The following MCM9 variants were observed in gnomAD, a reference collection of about 807,000 sequenced individuals.
The protein encoded by MCM9 is minichromosome maintenance 9 homologous recombination repair factor.
In MCM9, 55 loss-of-function variants were observed where a neutral mutation model predicts 72.8. The observed-to-expected ratio is 0.76, with a 90% CI of 0.61 to 0.95. MCM9 has a LOEUF of 0.95. Ranked by LOEUF, MCM9 falls within the 40% of genes least tolerant of loss-of-function variation. MCM9 has a pLI of 0.00. For missense variants in MCM9, 1,279 were observed against 1,377.0 expected, an observed-to-expected ratio of 0.93 and a Z score of 1.13; for synonymous variants, 480 against 503.4, an observed-to-expected ratio of 0.95 and a Z score of 0.62.
intron 9 of MCM9, among the ~76,000 whole-genome samples, chr6:118,849,104 G>C (rs1776068667): frequency 6.6e-6 from 1 of 151,850 alleles, no homozygotes; most frequent in Non-Finnish European, 1.5e-5. Flanking sequence ...GCATACAAAA[G>C]AACAGATTGA....
chr6:118,859,743 G>A (rs938043360), intron 8 of MCM9, among the ~76,000 whole-genome samples: 1 of 152,124 alleles, frequency 6.6e-6, no homozygotes, highest in Non-Finnish European at 1.5e-5. Context: ...GGCAGAGAGA[G>A]GGAAAAGGAA....
intron 9 of MCM9, among the ~76,000 whole-genome samples, chr6:118,847,307 T>C (rs930368489): frequency 3.3e-5 from 5 of 149,844 alleles, no homozygotes; most frequent in Non-Finnish European, 7.4e-5. Context: ...GCAAAGGACA[T>C]GGACAAGGGT....
intron 1 of MCM9, among the ~76,000 whole-genome samples, chr6:118,933,315 C>T (rs1161969888): frequency 6.6e-6 from 1 of 151,766 alleles, no homozygotes; most frequent in African/African-American, 2.4e-5. Context: ...CTGGCTAACA[C>T]GGTGAAATCC....
Position 118,829,139 on chromosome 6 carries a change from G to C in MCM9, c.1437C>G (p.Leu479=). 1 of 1,550,618 alleles carries C rather than the reference G, an allele frequency of 6.4e-7. No individual in the cohort carries two copies. The highest frequency in any genetic ancestry group is 1.2e-5 in the South Asian group (1 of 84,066). ...VSVNIALGSP[L]LSRFDLILVL... ...CCAGGATCAGGTCAAATCGACTTAAGAGTGGGCTGCCGAGGGCAATGTTCA... is the reference window on the plus strand; with the variant it reads ...CCAGGATCAGGTCAAATCGACTTAACAGTGGGCTGCCGAGGGCAATGTTCA... The change falls in exon 10 of 14, where the codon CTC becomes CTG. Residue 479 remains leucine (L), a synonymous_variant. Coordinates refer to ENST00000619706, the MANE Select transcript of MCM9 (RefSeq NM_017696.3).
chr6:118,831,672 C>T (rs1774574256), intron 9 of MCM9, among the ~76,000 whole-genome samples: 1 of 152,090 alleles, frequency 6.6e-6, no homozygotes, highest in African/African-American at 2.4e-5. Context: ...TACATACATA[C>T]AATCTAATCC....
intron 12 of MCM9, among the ~76,000 whole-genome samples, chr6:118,826,513 T>C (rs1306172034): frequency 6.6e-6 from 1 of 152,172 alleles, no homozygotes; most frequent in Non-Finnish European, 1.5e-5. Flanking sequence ...TGGTGGGCTA[T>C]GAACATCTCT....
chr6:118,828,055 T>C lies in MCM9; in HGVS notation c.1604A>G (p.Gln535Arg). 6.4e-7 allele frequency: 1 copy of C among 1,550,780 alleles called. No homozygotes were observed. Among genetic ancestry groups the C allele is most frequent in the Non-Finnish European group, 8.7e-7 (1 of 1,147,030 alleles). The stretch of plus-strand genomic sequence containing the variant: ...ATTGCCCACATCAGACAGTGTGGGC[T>C]GCAGATTCCTTATGAGGCAGAAATA... Reference protein sequence around the residue: ...KTYFCLIRNLQPTLSDVGNQV... With the variant: ...KTYFCLIRNLRPTLSDVGNQV... The change falls in exon 11 of 14, where the codon CAG becomes CGG. Residue 535 changes from glutamine (Q) to arginine (R), a missense_variant. Transcript: ENST00000619706.
chr6:118,913,176 G>T, intron 7 of MCM9, 119 bp downstream of exon 7: 3 of 1,186,046 alleles, frequency 2.5e-6, no homozygotes, highest in Non-Finnish European at 2.4e-6. Flanking sequence ...ACAACTGTCA[G>T]TTTTATAAGA....
chr6:118,872,617 C>T (rs1777676168), intron 8 of MCM9, among the ~76,000 whole-genome samples: 1 of 151,574 alleles, frequency 6.6e-6, no homozygotes, highest in Admixed American at 6.6e-5. Flanking sequence ...CATCAAGATG[C>T]AATCTACCTC....
Position 118,931,822 on chromosome 6 carries a change from A to T in MCM9, c.-15-84T>A, listed in dbSNP as rs1385406870. ...TAACAAAAACGATTGGTTATAAATC[A>T]CACTGGCTTTGGGTCATACTATAAT... is the stretch of plus-strand genomic sequence containing the variant. On this transcript the variant is annotated intron_variant, in intron 2 of 13. Coordinates refer to ENST00000619706, the MANE Select transcript of MCM9 (RefSeq NM_017696.3). 10 of 1,055,368 alleles carry T rather than the reference A, an allele frequency of 9.5e-6. No individual in the cohort carries two copies. In the South Asian group the frequency reaches 1.7e-4, roughly 18 times the overall value. The allele number at this position is 1,055,368 out of a possible 1,614,324, so 65.4% of individuals were successfully genotyped here. A position where few individuals can be genotyped will look rare whatever the true frequency, so the allele number is the denominator to read the frequency against.
intron 5 of MCM9, chr6:118,919,978 A>G (rs1170836988): frequency 6.6e-6 from 1 of 152,236 alleles, no homozygotes; most frequent in Non-Finnish European, 1.5e-5. Flanking sequence ...CTAATGATAC[A>G]TGAAAAAATA....
At chr6:118,930,267 T>C (rs62422264) in intron 3 of MCM9, among the ~76,000 whole-genome samples, 120 of 152,132 alleles carry the variant, frequency 7.9e-4, no homozygotes, top group East Asian at 6.8e-3. Flanking sequence ...CCCGCCACCA[T>C]GCCCGGCTAA....
chr6:118,893,494 CAGGTGCAAGCCCAA>C (rs1241560612), intron 8 of MCM9, among the ~76,000 whole-genome samples: 7 of 152,246 alleles, frequency 4.6e-5, no homozygotes, highest in Admixed American at 3.3e-4. Flanking sequence ...AGAAGACGCC[CAGGTGCAAGCCCAA>C]AGGTTACCTA....
rs569817219 is a variant in MCM9, at chr6:118,879,151, A to G, written c.1151-22606T>C. 1.0e-3 allele frequency among the ~76,000 whole-genome samples: 154 copies of G among 152,272 alleles called. 1 individual carries two copies. The highest frequency in any genetic ancestry group is 3.4e-3 in the African/African-American group (141 of 41,566). On this transcript the variant is annotated intron_variant, in intron 8 of 13. Coordinates refer to ENST00000619706, the MANE Select transcript of MCM9 (RefSeq NM_017696.3). ...ATAAGACATGTAGAAAACAAAGAGGAGCATAGTATACATGAATCCTGCCTT... is the reference window on the plus strand; with the variant it reads ...ATAAGACATGTAGAAAACAAAGAGGGGCATAGTATACATGAATCCTGCCTT...
intron 8 of MCM9, chr6:118,911,174 T>C (rs1049810384): frequency 2.0e-6 from 2 of 985,332 alleles, no homozygotes; most frequent in African/African-American, 3.5e-5. Context: ...AGCTCCACAT[T>C]GCAATGATGG....
Position 118,914,889 on chromosome 6 carries a change from A to C in MCM9, c.905-1469T>G, listed in dbSNP as rs74533124. ...ATTACCAACTGTCTGACCTTAGGCA[A>C]GTTTCTTAACCTCTGCCTCCATTTC... On this transcript the variant is annotated intron_variant, in intron 6 of 13. Transcript: ENST00000619706. Among the ~76,000 whole-genome samples the C allele has an allele frequency of 7.2e-5, 11 of 152,314 alleles. No individual in the cohort carries two copies. The East Asian group carries it at 2.1e-3, about 29-fold the overall frequency.
In MCM9 at chr6:118,853,316, T is replaced by C. The variant is rs144865861; in HGVS notation, c.1325+3055A>G. On this transcript the variant is annotated intron_variant, in intron 9 of 13. Coordinates refer to ENST00000619706, the MANE Select transcript of MCM9 (RefSeq NM_017696.3). ...GTCACAATGTTTTGATAATTACAGC[T>C]TTATAGCAAATCTTAAAACAACGTA... Among the ~76,000 whole-genome samples, 1,502 of 152,362 alleles carry C rather than the reference T, an allele frequency of 9.9e-3. 25 individuals carry two copies. The highest frequency in any genetic ancestry group is 0.034 in the African/African-American group (1,413 of 41,592).
chr6:118,928,275 GTGGCA>G (rs1312258594), intron 3 of MCM9, among the ~76,000 whole-genome samples: 1 of 152,086 alleles, frequency 6.6e-6, no homozygotes, highest in East Asian at 1.9e-4. Flanking sequence ...GCCGGGTGTG[GTGGCA>G]CACGCCTGTA....
intron 8 of MCM9, chr6:118,905,514 T>C (rs1780121554): frequency 6.4e-6 from 4 of 622,552 alleles, no homozygotes; most frequent in Non-Finnish European, 1.1e-5. Context: ...GAAATGAGCA[T>C]TTTCCTTCCC....
Sources: gnomAD v4.1 joint callset for allele counts (sites outside exome capture counted in the v4.1 genomes callset) on GRCh38, gnomAD v4.1.1 for gene constraint, MANE v1.5 for transcripts, NCBI Gene and HGNC (gene_info 2026-07-23, HGNC 2026-07-21) for gene names.